The following SIPA1L2 variants were observed in gnomAD, a reference collection of about 807,000 sequenced individuals.
SIPA1L2 encodes the protein signal induced proliferation associated 1 like 2.
Under a neutral mutation model 163.9 loss-of-function variants are expected in SIPA1L2, and 56 were observed. The observed-to-expected ratio is 0.34, with a 90% confidence interval of 0.28 to 0.43. The LOEUF is 0.43. Among genes scored for constraint, SIPA1L2 ranks in the 20% least tolerant of loss-of-function variants. The probability of loss-of-function intolerance (pLI) is 1.00; values close to 1 mark genes in which losing one functional copy is unlikely to be tolerated. For missense variants in SIPA1L2, 1,974 were observed against 2,193.5 expected (o/e 0.90, Z 2.00); for synonymous variants, 877 against 865.7 (o/e 1.01, Z -0.23).
At chr1:232,588,545 A>C (rs190378305) in intron 1 of SIPA1L2, among the ~76,000 whole-genome samples, 225 of 152,362 alleles carry the variant, frequency 1.5e-3, no homozygotes, top group Admixed American at 2.0e-3. Flanking sequence ...GAGTTTTTAA[A>C]GTTCATAGAT....
chr1:232,430,540 G>A (rs1000778068), intron 16 of SIPA1L2, among the ~76,000 whole-genome samples: 2 of 152,172 alleles, frequency 1.3e-5, no homozygotes, highest in African/African-American at 2.4e-5. Flanking sequence ...TGTTTTCTAA[G>A]CATATCTTTC....
At chr1:232,428,920 G>A (rs1379680958) in intron 16 of SIPA1L2, among the ~76,000 whole-genome samples, 3 of 152,050 alleles carry the variant, frequency 2.0e-5, no homozygotes, top group Non-Finnish European at 4.4e-5. Context: ...TATGTCTTTC[G>A]AAGCAACGCT....
chr1:232,588,906 A>G, intron 1 of SIPA1L2, among the ~76,000 whole-genome samples: 1 of 152,214 alleles, frequency 6.6e-6, no homozygotes, highest in East Asian at 1.9e-4. Context: ...TTATATTGTT[A>G]TTTTAAATTC....
At chr1:232,499,742 C>T (rs1486645840) in intron 3 of SIPA1L2, among the ~76,000 whole-genome samples, 3 of 152,280 alleles carry the variant, frequency 2.0e-5, no homozygotes, top group Non-Finnish European at 4.4e-5. Context: ...AAAGAAGATG[C>T]CATCCAGAAT....
intron 9 of SIPA1L2, 69 bp from the exon 10 acceptor site, chr1:232,461,230 C>T: frequency 6.4e-7 from 1 of 1,563,006 alleles, no homozygotes. Context: ...GCCAAAGGTG[C>T]ACGTATGGGC....
At chr1:232,453,514 G>C (rs1475620050) in intron 10 of SIPA1L2, among the ~76,000 whole-genome samples, 3 of 152,178 alleles carry the variant, frequency 2.0e-5, no homozygotes, top group African/African-American at 4.8e-5. Flanking sequence ...ACAAAGTACT[G>C]CAATGCTATT....
At chr1:232,435,039 A>C (rs904561393) in intron 15 of SIPA1L2, among the ~76,000 whole-genome samples, 1 of 152,252 alleles carries the variant, frequency 6.6e-6, no homozygotes, top group African/African-American at 2.4e-5. Flanking sequence ...AACCTGATGA[A>C]GGACTGTGCA....
intron 1 of SIPA1L2, among the ~76,000 whole-genome samples, chr1:232,605,646 A>T (rs1661873420): frequency 6.6e-6 from 1 of 152,186 alleles, no homozygotes. Flanking sequence ...GTGAGCCAAG[A>T]TCGCGCCACT....
At chr1:232,590,853 T>A (rs1172149484) in intron 1 of SIPA1L2, among the ~76,000 whole-genome samples, 2 of 152,226 alleles carry the variant, frequency 1.3e-5, no homozygotes, top group Non-Finnish European at 2.9e-5. Context: ...GAGAAGTGAC[T>A]CTAAGAGAGA....
Position 232,488,217 on chromosome 1 carries a change from T to G in SIPA1L2, c.1806+2657A>C, listed in dbSNP as rs562584144. Among the ~76,000 whole-genome samples the G allele has an allele frequency of 1.4e-4, 22 of 152,308 alleles. No individual in the cohort carries two copies. The East Asian group carries it at 3.1e-3, about 21-fold the overall frequency. ...ATCCACCCACCTTGGCCTTCCAAAGTGCTGAGATTACAGGCATGAGCTACC... is the reference window on the plus strand; with the variant it reads ...ATCCACCCACCTTGGCCTTCCAAAGGGCTGAGATTACAGGCATGAGCTACC... On this transcript the variant is annotated intron_variant, in intron 5 of 22. Transcript: ENST00000674635.
chr1:232,580,265 A>G (rs1378030200), intron 1 of SIPA1L2, among the ~76,000 whole-genome samples: 1 of 152,170 alleles, frequency 6.6e-6, no homozygotes, highest in Non-Finnish European at 1.5e-5. Context: ...CATTATAATT[A>G]GCATATAATG....
intron 19 of SIPA1L2, among the ~76,000 whole-genome samples, chr1:232,404,692 G>A (rs940871184): frequency 3.9e-5 from 6 of 152,208 alleles, no homozygotes; most frequent in African/African-American, 1.4e-4. Flanking sequence ...ATAGTCTTAA[G>A]AATGGGCGCC....
intron 10 of SIPA1L2, among the ~76,000 whole-genome samples, chr1:232,450,520 T>C (rs1371042989): frequency 2.0e-5 from 3 of 152,232 alleles, no homozygotes; most frequent in Admixed American, 1.3e-4. Context: ...CACCAGGCTT[T>C]GGTGTCTCAC....
chr1:232,475,321 C>T (rs1664986709), intron 7 of SIPA1L2, among the ~76,000 whole-genome samples: 1 of 152,204 alleles, frequency 6.6e-6, no homozygotes, highest in African/African-American at 2.4e-5. Context: ...TGGAAAGCTC[C>T]TCCCCTTCAC....
chr1:232,427,520 G>C (rs185038731), intron 17 of SIPA1L2, among the ~76,000 whole-genome samples: 7 of 152,262 alleles, frequency 4.6e-5, no homozygotes, highest in Admixed American at 3.3e-4. Flanking sequence ...TGAGAGACAA[G>C]GACTCAGTTG....
chr1:232,469,378 C>CAAT (rs1664687625), intron 8 of SIPA1L2, among the ~76,000 whole-genome samples: 1 of 152,072 alleles, frequency 6.6e-6, no homozygotes, highest in South Asian at 2.1e-4. Context: ...TGAAACAGAC[C>CAAT]AATAAGGTGT....
intron 19 of SIPA1L2, among the ~76,000 whole-genome samples, chr1:232,415,183 CCATA>C (rs887263445): frequency 3.3e-5 from 5 of 152,192 alleles, no homozygotes; most frequent in Admixed American, 2.6e-4. Flanking sequence ...AAGGTGCTCT[CCATA>C]CAATCACCTC....
At chr1:232,571,898 C>T (rs1252010298) in intron 2 of SIPA1L2, among the ~76,000 whole-genome samples, 1 of 152,178 alleles carries the variant, frequency 6.6e-6, no homozygotes, top group African/African-American at 2.4e-5. Flanking sequence ...GCCTGCAGAA[C>T]CGTGAATTAA....
rs1256379431 is a variant in SIPA1L2 at position 232,608,058 on chromosome 1, A to AAAAAAAAAAAAAC, written c.-319+21810_-319+21811insGTTTTTTTTTTTT. ...GCGAAACTCCATCTCAAAAAAAAAA[A>AAAAAAAAAAAAAC]AAAAAAAAAAACGAGTCTTACTCTG... is the stretch of plus-strand genomic sequence containing the variant. On this transcript the variant is annotated intron_variant, in intron 1 of 22. Coordinates refer to ENST00000674635, the MANE Select transcript of SIPA1L2 (RefSeq NM_020808.5). Among the ~76,000 whole-genome samples, 41 of 150,746 alleles carry AAAAAAAAAAAAAC rather than the reference A, an allele frequency of 2.7e-4. 1 individual carries two copies. Among genetic ancestry groups the AAAAAAAAAAAAAC allele is most frequent in the African/African-American group, 9.8e-4 (40 of 40,924 alleles).
Sources: gnomAD v4.1 joint callset for allele counts (sites outside exome capture counted in the v4.1 genomes callset) on GRCh38, gnomAD v4.1.1 for gene constraint, MANE v1.5 for transcripts, NCBI Gene and HGNC (gene_info 2026-07-23, HGNC 2026-07-21) for gene names.